NCALD: variants seen among roughly 807,000 people sequenced by gnomAD.
NCALD encodes the protein neurocalcin delta, also known as neurocalcin-delta.
Under a neutral mutation model 18.6 loss-of-function variants are expected in NCALD, and 10 were observed. The ratio of observed to expected loss-of-function variants is 0.54; its 90% confidence interval spans 0.33 to 0.91. NCALD has a LOEUF of 0.91. Among genes scored for constraint, NCALD ranks in the 40% least tolerant of loss-of-function variants. NCALD has a pLI of 0.03. For synonymous variants in NCALD, 88 were observed against 87.4 expected (o/e 1.01, Z -0.04); for missense variants, 184 against 247.6 (o/e 0.74, Z 1.72).
chr8:101,977,797 G>A (rs527935906), intron 2 of NCALD, among the ~76,000 whole-genome samples: 8 of 152,258 alleles, frequency 5.3e-5, no homozygotes, highest in Admixed American at 3.9e-4. Flanking sequence ...GACACACACA[G>A]CGATCCTTTC....
At chr8:101,696,218 A>T in intron 2 of NCALD, among the ~76,000 whole-genome samples, 1 of 152,152 alleles carries the variant, frequency 6.6e-6, no homozygotes, top group East Asian at 1.9e-4. Context: ...TCATTCATCA[A>T]ATATGTATAA....
chr8:101,699,639 T>C (rs1435199467), intron 2 of NCALD, among the ~76,000 whole-genome samples: 1 of 152,160 alleles, frequency 6.6e-6, no homozygotes, highest in Non-Finnish European at 1.5e-5. Flanking sequence ...GAATCCATCA[T>C]CCTCAGCAAA....
At chr8:101,906,673 G>T (rs577395308) in intron 3 of NCALD, among the ~76,000 whole-genome samples, 9 of 152,324 alleles carry the variant, frequency 5.9e-5, no homozygotes, top group African/African-American at 2.2e-4. Flanking sequence ...CAGAATTTCA[G>T]TTGGTATAGT....
At chr8:101,925,526 G>A (rs1164268526) in intron 2 of NCALD, among the ~76,000 whole-genome samples, 2 of 152,046 alleles carry the variant, frequency 1.3e-5, no homozygotes, top group African/African-American at 4.8e-5. Context: ...ATTAGCACTT[G>A]GCTCATTAGC....
chr8:101,887,092 C>T (rs1027685817), intron 4 of NCALD: 2 of 152,042 alleles, frequency 1.3e-5, no homozygotes, highest in Non-Finnish European at 2.9e-5. Flanking sequence ...CATTTTGAAT[C>T]GTAATTTACA....
intron 1 of NCALD, among the ~76,000 whole-genome samples, chr8:102,082,043 CT>C (rs1467937073): frequency 6.6e-6 from 1 of 152,056 alleles, no homozygotes; most frequent in African/African-American, 2.4e-5. Flanking sequence ...CAACATCCCC[CT>C]CGCCCCTTCC....
At chr8:101,789,979 T>C (rs955231687) in intron 1 of NCALD, among the ~76,000 whole-genome samples, 1 of 152,226 alleles carries the variant, frequency 6.6e-6, no homozygotes, top group Non-Finnish European at 1.5e-5. Context: ...TCATTTAAGA[T>C]CCAGAGCAAA....
intron 2 of NCALD, among the ~76,000 whole-genome samples, chr8:101,958,877 C>G (rs1050731175): frequency 6.6e-6 from 1 of 152,118 alleles, no homozygotes; most frequent in African/African-American, 2.4e-5. Context: ...GGAAACAATT[C>G]CAAATATACA....
At chr8:102,045,209 T>C (rs148070181) in intron 1 of NCALD, among the ~76,000 whole-genome samples, 1 of 152,162 alleles carries the variant, frequency 6.6e-6, no homozygotes, top group Non-Finnish European at 1.5e-5. Context: ...AATCAAGTGG[T>C]TGAGAACTGC....
At chr8:101,709,790 T>G (rs892549524) in intron 2 of NCALD, among the ~76,000 whole-genome samples, 10 of 152,228 alleles carry the variant, frequency 6.6e-5, no homozygotes, top group Admixed American at 1.3e-4. Context: ...GCAGGAAGAA[T>G]TCTTCCTCTT....
chr8:102,002,221 G>T (rs1821502051), intron 2 of NCALD, among the ~76,000 whole-genome samples: 1 of 152,182 alleles, frequency 6.6e-6, no homozygotes, highest in South Asian at 2.1e-4. Flanking sequence ...GGCAGAGGTT[G>T]CAATCCTAGT....
At chr8:101,879,637 T>A (rs1317044666) in intron 4 of NCALD, among the ~76,000 whole-genome samples, 2 of 152,214 alleles carry the variant, frequency 1.3e-5, no homozygotes, top group African/African-American at 4.8e-5. Flanking sequence ...CCCACCCACA[T>A]CCTGTTGATT....
chr8:101,763,341 G>A (rs761824331), intron 1 of NCALD, among the ~76,000 whole-genome samples: 48 of 152,234 alleles, frequency 3.2e-4, no homozygotes, highest in Non-Finnish European at 6.0e-4. Flanking sequence ...GGTGTTGAAG[G>A]TAAACAAAAT....
chr8:101,995,933 G>A (rs1212172074), intron 2 of NCALD, among the ~76,000 whole-genome samples: 1 of 152,132 alleles, frequency 6.6e-6, no homozygotes, highest in Non-Finnish European at 1.5e-5. Flanking sequence ...AAACTCTATA[G>A]ATATTCTTCC....
At position 101,905,663 on chromosome 8, in the gene NCALD, G is replaced by A. The variant is rs1817588134; in HGVS notation, c.-107+10146C>T. Among the ~76,000 whole-genome samples the A allele has an allele frequency of 3.3e-5, 5 of 152,140 alleles. No homozygotes were observed. In the South Asian group the frequency reaches 8.3e-4, roughly 25 times the overall value. ...TTAACATCCTAATTAAAGTGCAGAT[G>A]TGGCCATGCCACTCCCTCGATAAAG... On this transcript the variant is annotated intron_variant, in intron 3 of 6. Transcript: ENST00000311028.
chr8:101,704,465 G>T (rs985880664), intron 2 of NCALD, among the ~76,000 whole-genome samples: 2 of 152,180 alleles, frequency 1.3e-5, no homozygotes, highest in Non-Finnish European at 2.9e-5. Context: ...AAGGCTGTGG[G>T]ATGTGAGAGG....
intron 1 of NCALD, among the ~76,000 whole-genome samples, chr8:102,056,062 G>A (rs142613483): frequency 2.0e-5 from 3 of 152,202 alleles, no homozygotes; most frequent in Non-Finnish European, 2.9e-5. Flanking sequence ...AGGTCAGCCC[G>A]CCAGATTCAT....
intron 1 of NCALD, among the ~76,000 whole-genome samples, chr8:102,070,449 C>T (rs1311293976): frequency 6.6e-6 from 1 of 151,792 alleles, no homozygotes; most frequent in Admixed American, 6.6e-5. Context: ...TCAAGATGAT[C>T]CATATCTATT....
intron 1 of NCALD, among the ~76,000 whole-genome samples, chr8:102,080,483 T>C (rs1236334486): frequency 6.6e-6 from 1 of 152,214 alleles, no homozygotes; most frequent in African/African-American, 2.4e-5. Context: ...GTTCTGTTCC[T>C]GTCAGAGCTG....
Sources: gnomAD v4.1 joint callset for allele counts (sites outside exome capture counted in the v4.1 genomes callset) on GRCh38, gnomAD v4.1.1 for gene constraint, MANE v1.5 for transcripts, NCBI Gene and HGNC (gene_info 2026-07-23, HGNC 2026-07-21) for gene names.